The following TAFA4 variants were observed in gnomAD, a reference collection of about 807,000 sequenced individuals.
The protein encoded by TAFA4 is TAFA chemokine like family member 4, also known as chemokine-like protein TAFA-4.
A neutral mutation model predicts 21.1 loss-of-function variants in TAFA4; 20 were observed. The observed-to-expected ratio is 0.95, with a 90% CI of 0.67 to 1.38. The LOEUF is 1.38. Ranked by LOEUF, TAFA4 falls within the 40% of genes most tolerant of loss-of-function variation. The pLI, the probability that TAFA4 is intolerant of heterozygous loss-of-function variation, is 0.00. For missense variants in TAFA4, 211 were observed against 180.9 expected (o/e 1.17, Z -0.95); for synonymous variants, 71 against 67.4 (o/e 1.05, Z -0.26).
At chr3:68,922,660 T>C (rs1188695991) in intron 1 of TAFA4, among the ~76,000 whole-genome samples, 7 of 152,234 alleles carry the variant, frequency 4.6e-5, no homozygotes, top group Non-Finnish European at 8.8e-5. Context: ...CCTGAGTCTT[T>C]TGTAGATGTG....
rs532364641 is a variant in TAFA4 at position 68,761,878 on chromosome 3, T to G, written c.131-8860A>C. On this transcript the variant is annotated intron_variant, in intron 3 of 5. Coordinates refer to ENST00000295569, the MANE Select transcript of TAFA4 (RefSeq NM_182522.5). The stretch of plus-strand genomic sequence containing the variant: ...AGTAGAGGCTTCTAGATGTGGAGAT[T>G]CTGGATGTTAAGAGGCTAACTCCAA... Among the ~76,000 whole-genome samples the G allele has an allele frequency of 4.6e-5, 7 of 152,226 alleles. No homozygotes were observed. In the South Asian group the frequency reaches 1.5e-3, roughly 32 times the overall value.
Position 68,861,806 on chromosome 3 carries a change from C to T in TAFA4, c.130+18924G>A, listed in dbSNP as rs557371288. Among the ~76,000 whole-genome samples the T allele has an allele frequency of 3.9e-5, 6 of 152,120 alleles. No individual in the cohort carries two copies. In the South Asian group the frequency reaches 1.3e-3, roughly 32 times the overall value. The stretch of plus-strand genomic sequence containing the variant: ...AGTGGAAAATCAAGCCTCCTGTGAC[C>T]CGTCATTGGATTCTCACTGGCTGGA... On this transcript the variant is annotated intron_variant, in intron 3 of 5. Coordinates refer to ENST00000295569, the MANE Select transcript of TAFA4 (RefSeq NM_182522.5).
intron 3 of TAFA4, among the ~76,000 whole-genome samples, chr3:68,791,434 C>T (rs1013258753): frequency 9.9e-5 from 15 of 152,126 alleles, no homozygotes; most frequent in African/African-American, 3.6e-4. Flanking sequence ...GGATCCTCCT[C>T]TAAAGGATTC....
chr3:68,811,761 C>A (rs527333190), intron 3 of TAFA4, among the ~76,000 whole-genome samples: 23 of 152,010 alleles, frequency 1.5e-4, no homozygotes, highest in South Asian at 8.3e-4. Flanking sequence ...CAGGATATTA[C>A]GCAGGAGAAC....
chr3:68,749,179 A>G (rs1702515593), intron 4 of TAFA4, among the ~76,000 whole-genome samples: 1 of 152,234 alleles, frequency 6.6e-6, no homozygotes, highest in South Asian at 2.1e-4. Flanking sequence ...AATTATGATA[A>G]AAAAGTTTGG....
At chr3:68,786,877 G>T (rs1366694824) in intron 3 of TAFA4, among the ~76,000 whole-genome samples, 8 of 152,178 alleles carry the variant, frequency 5.3e-5, no homozygotes, top group African/African-American at 1.9e-4. Context: ...GGATAAATGT[G>T]AAATAAAGGC....
intron 3 of TAFA4, among the ~76,000 whole-genome samples, chr3:68,773,139 T>C (rs1406818179): frequency 1.3e-5 from 2 of 152,180 alleles, no homozygotes; most frequent in African/African-American, 4.8e-5. Context: ...TGTGCAAATA[T>C]TCAAGACTGA....
intron 3 of TAFA4, among the ~76,000 whole-genome samples, chr3:68,856,960 A>C (rs1180813151): frequency 1.3e-5 from 2 of 152,190 alleles, no homozygotes; most frequent in Non-Finnish European, 2.9e-5. Context: ...TGACAGGATA[A>C]TAGAACAGAC....
chr3:68,742,637 G>A (rs1702379169), intron 4 of TAFA4, among the ~76,000 whole-genome samples: 2 of 152,138 alleles, frequency 1.3e-5, no homozygotes, highest in South Asian at 2.1e-4. Flanking sequence ...CCGCTCATTG[G>A]TGCACCCCTC....
chr3:68,856,820 G>T (rs780742978), intron 3 of TAFA4, among the ~76,000 whole-genome samples: 18 of 152,156 alleles, frequency 1.2e-4, no homozygotes, highest in Non-Finnish European at 2.4e-4. Flanking sequence ...CGCTGGAGCA[G>T]CACTGTTGTA....
chr3:68,745,030 C>G (rs1216890645), intron 4 of TAFA4, among the ~76,000 whole-genome samples: 3 of 152,148 alleles, frequency 2.0e-5, no homozygotes, highest in African/African-American at 7.2e-5. Context: ...TTGTGAAAGG[C>G]TTTATGGCAA....
At chr3:68,836,123 C>G (rs1245443088) in intron 3 of TAFA4, among the ~76,000 whole-genome samples, 2 of 152,180 alleles carry the variant, frequency 1.3e-5, no homozygotes, top group African/African-American at 4.8e-5. Flanking sequence ...AGGTATAATA[C>G]CCAATCTCCC....
chr3:68,899,647 G>C (rs143842106), intron 1 of TAFA4, among the ~76,000 whole-genome samples: 1 of 152,038 alleles, frequency 6.6e-6, no homozygotes, highest in Non-Finnish European at 1.5e-5. Flanking sequence ...CAGGCATCAG[G>C]GAAACATCCT....
intron 1 of TAFA4, among the ~76,000 whole-genome samples, chr3:68,894,396 G>T (rs1019625409): frequency 6.6e-5 from 10 of 152,152 alleles, no homozygotes; most frequent in Non-Finnish European, 1.5e-4. Context: ...CTGGGCTCAA[G>T]CGATCCTCCT....
chr3:68,877,592 C>T (rs1052400876), intron 3 of TAFA4, among the ~76,000 whole-genome samples: 2 of 152,134 alleles, frequency 1.3e-5, no homozygotes, highest in African/African-American at 4.8e-5. Flanking sequence ...CTCTCAACAC[C>T]CTTCTGGGTC....
At chr3:68,907,500 G>A (rs188385353) in intron 1 of TAFA4, among the ~76,000 whole-genome samples, 229 of 152,328 alleles carry the variant, frequency 1.5e-3, no homozygotes, top group Non-Finnish European at 2.6e-3. Context: ...ACAACAAGAC[G>A]ACATAGGTCT....
intron 1 of TAFA4, among the ~76,000 whole-genome samples, chr3:68,917,811 A>C (rs967580180): frequency 6.6e-6 from 1 of 151,582 alleles, no homozygotes; most frequent in Non-Finnish European, 1.5e-5. Context: ...CCTAGAACCA[A>C]GTGGGAAGGT....
chr3:68,927,531 C>G (rs570448441), intron 1 of TAFA4, among the ~76,000 whole-genome samples: 2 of 152,188 alleles, frequency 1.3e-5, no homozygotes, highest in African/African-American at 4.8e-5. Context: ...GCAAAGCCAA[C>G]AGAGTAGTTT....
intron 3 of TAFA4, among the ~76,000 whole-genome samples, chr3:68,802,752 C>A (rs1296692962): frequency 6.6e-6 from 1 of 152,186 alleles, no homozygotes; most frequent in Non-Finnish European, 1.5e-5. Flanking sequence ...TTCCACCGCA[C>A]AGTAACATTT....
Sources: gnomAD v4.1 joint callset for allele counts (sites outside exome capture counted in the v4.1 genomes callset) on GRCh38, gnomAD v4.1.1 for gene constraint, MANE v1.5 for transcripts, NCBI Gene and HGNC (gene_info 2026-07-23, HGNC 2026-07-21) for gene names.